The following RHOBTB3 variants were observed in gnomAD, a reference collection of about 807,000 sequenced individuals.
The protein encoded by RHOBTB3 is rho-related BTB domain-containing protein 3.
Under a neutral mutation model 67.2 loss-of-function variants are expected in RHOBTB3, and 47 were observed. That is an observed-to-expected ratio of 0.70 (90% confidence interval 0.55 to 0.89). The LOEUF is 0.89. Ranked by LOEUF, RHOBTB3 falls within the 40% of genes least tolerant of loss-of-function variation. The pLI is 0.00. For missense variants in RHOBTB3, 631 were observed against 750.0 expected, an observed-to-expected ratio of 0.84 and a Z score of 1.85; for synonymous variants, 273 against 274.2, an observed-to-expected ratio of 1.00 and a Z score of 0.04.
Position 95,783,847 on chromosome 5 carries a change from G to T in RHOBTB3, c.1507G>T (p.Val503Leu). The T allele has an allele frequency of 1.2e-6, 2 of 1,613,848 alleles. No individual in the cohort carries two copies. The highest frequency in any genetic ancestry group is 2.2e-5 in the South Asian group (2 of 91,062). ...CLLICAEMYQ[V>L]SRLQHICELF... ...CCTGATCTGTGCCGAGATGTACCAA[G>T]TGTCCAGACTGCAGCACATCTGTGA... Residue 503 changes from valine (V) to leucine (L), a missense_variant, in exon 10 of 12, where the codon GTG (valine) becomes TTG (leucine). Coordinates refer to ENST00000379982, the MANE Select transcript of RHOBTB3 (RefSeq NM_014899.4).
intron 8 of RHOBTB3, among the ~76,000 whole-genome samples, chr5:95,771,706 G>A (rs186745084): frequency 2.0e-5 from 3 of 152,276 alleles, no homozygotes; most frequent in East Asian, 3.9e-4. Flanking sequence ...GGTAGGACAC[G>A]CCTAGTCAGG....
At chr5:95,786,488 A>G (rs771569241) in intron 10 of RHOBTB3, among the ~76,000 whole-genome samples, 1 of 152,192 alleles carries the variant, frequency 6.6e-6, no homozygotes, top group African/African-American at 2.4e-5. Context: ...TCAGGTTTCC[A>G]TCAAGGAGGA....
chr5:95,729,830 G>A (rs1755167877), upstream of RHOBTB3, among the ~76,000 whole-genome samples: 1 of 152,192 alleles, frequency 6.6e-6, no homozygotes, highest in East Asian at 1.9e-4. Flanking sequence ...CATCCATGTT[G>A]TAGTTTATGA....
chr5:95,737,393 T>C (rs1161449321), intron 3 of RHOBTB3, among the ~76,000 whole-genome samples: 5 of 152,354 alleles, frequency 3.3e-5, no homozygotes, highest in African/African-American at 9.6e-5. Flanking sequence ...AAAACTCTTT[T>C]TGATGATCTG....
intron 3 of RHOBTB3, among the ~76,000 whole-genome samples, chr5:95,742,869 A>G (rs979294281): frequency 2.0e-5 from 3 of 152,244 alleles, no homozygotes; most frequent in South Asian, 2.1e-4. Context: ...TCAGGAGATC[A>G]AGACCATCCT....
At chr5:95,775,266 T>G (rs932445040) in intron 8 of RHOBTB3, among the ~76,000 whole-genome samples, 4 of 151,970 alleles carry the variant, frequency 2.6e-5, no homozygotes, top group African/African-American at 7.3e-5. Flanking sequence ...AAATCCACGA[T>G]TTTTTGAGTG....
chr5:95,779,120 A>G (rs899379475), intron 8 of RHOBTB3, among the ~76,000 whole-genome samples: 1 of 152,228 alleles, frequency 6.6e-6, no homozygotes, highest in Non-Finnish European at 1.5e-5. Context: ...ATAATTGTAA[A>G]TGCTTTAGAG....
intron 8 of RHOBTB3, among the ~76,000 whole-genome samples, chr5:95,774,894 CAT>C (rs146928735): frequency 1.7e-4 from 25 of 150,966 alleles, no homozygotes; most frequent in Middle Eastern, 3.4e-3. Flanking sequence ...ATTTGTATTA[CAT>C]ATATATATAT....
intron 2 of RHOBTB3, among the ~76,000 whole-genome samples, chr5:95,736,003 G>A (rs1755446020): frequency 6.6e-6 from 1 of 152,170 alleles, no homozygotes; most frequent in South Asian, 2.1e-4. Flanking sequence ...TCGGGAGGCT[G>A]AGGCACAGGA....
intron 6 of RHOBTB3, among the ~76,000 whole-genome samples, chr5:95,756,446 G>T (rs143296729): frequency 4.3e-4 from 66 of 152,286 alleles, no homozygotes; most frequent in African/African-American, 1.5e-3. Flanking sequence ...TTTAGCTATT[G>T]TGAGTAATGC....
intron 4 of RHOBTB3, among the ~76,000 whole-genome samples, chr5:95,749,766 G>A (rs1170172092): frequency 6.6e-6 from 1 of 152,148 alleles, no homozygotes; most frequent in East Asian, 1.9e-4. Context: ...CACTAGATTT[G>A]GTTTCATTTG....
At position 95,752,227 on chromosome 5, in the gene RHOBTB3, T is replaced by C. The variant is rs756102727; in HGVS notation, c.571-12T>C. 9.0e-6 allele frequency: 13 copies of C among 1,442,506 alleles called. No homozygotes were observed. The East Asian group carries it at 3.0e-4, about 33-fold the overall frequency. The allele number at this position is 1,442,506 out of a possible 1,614,324, so 89.4% of individuals were successfully genotyped here. A position where few individuals can be genotyped will look rare whatever the true frequency, so the allele number is the denominator to read the frequency against. On this transcript the variant is annotated splice_polypyrimidine_tract_variant and intron_variant, in intron 4 of 11. Coordinates refer to ENST00000379982, the MANE Select transcript of RHOBTB3 (RefSeq NM_014899.4). ...TGTTGGATCTTCAATTAAAATTTGA[T>C]TCCTGTTTTAGTTGGAGTATTTTAT...
At position 95,791,836 on chromosome 5, in the gene RHOBTB3, G is replaced by A. The variant is rs115045677; in HGVS notation, c.1721-1223G>A. Among the ~76,000 whole-genome samples, 1,139 of 151,982 alleles carry A rather than the reference G, an allele frequency of 7.5e-3. 14 individuals are homozygous for A. Among genetic ancestry groups the A allele is most frequent in the Non-Finnish European group, 0.012 (796 of 67,970 alleles). On this transcript the variant is annotated intron_variant, in intron 11 of 11. Transcript: ENST00000379982. The stretch of plus-strand genomic sequence containing the variant: ...GGTGGGATTACAGACATGAGCCATC[G>A]TGCCTGGCCTCCAGCAAGGTCTTTA...
intron 8 of RHOBTB3, chr5:95,770,017 G>T: frequency 2.5e-6 from 1 of 394,056 alleles, no homozygotes; most frequent in South Asian, 2.1e-5. Context: ...TTGGAGAAGG[G>T]GGTAGGCCTC....
At chr5:95,781,865 A>G (rs565892943) in intron 9 of RHOBTB3, 1 of 133,250 alleles carries the variant, frequency 7.5e-6, no homozygotes, top group African/African-American at 2.9e-5. Context: ...AAGACTTAGT[A>G]TTTTTGCCTA....
chr5:95,762,315 C>A (rs1270850129), intron 6 of RHOBTB3, among the ~76,000 whole-genome samples: 1 of 152,220 alleles, frequency 6.6e-6, no homozygotes. Context: ...TCTGGACTTG[C>A]AATCTGCCCC....
Position 95,752,272 on chromosome 5 carries a change from A to G in RHOBTB3, c.604A>G (p.Lys202Glu). The G allele has an allele frequency of 6.2e-7, 1 of 1,604,058 alleles. No homozygotes were observed. ...TTTTATGATTCAAGCCTTAAATCAG[A>G]AGACAAGTGAAAAAATGAAGAAAAG... ...EYFMIQALNQ[K>E]TSEKMKKRKM... Residue 202 changes from lysine (K) to glutamate (E), a missense_variant, in exon 5 of 12, where the codon AAG becomes GAG. Physicochemically the swap from Lys to Glu is moderately conservative, Grantham distance 56. Transcript: ENST00000379982.
Position 95,763,541 on chromosome 5 carries a change from T to C in RHOBTB3, c.1082T>C (p.Ile361Thr), listed in dbSNP as rs779028242. ...AFQWEELEED[I>T]RKKLKDSGDV... Reference sequence around the variant, plus strand: ...CAGTGGGAAGAATTGGAAGAAGATATCAGGAAGAAGTTGAAAGATTCTGGG... The same window carrying C: ...CAGTGGGAAGAATTGGAAGAAGATACCAGGAAGAAGTTGAAAGATTCTGGG... Residue 361 changes from isoleucine to threonine, a missense_variant, in exon 7 of 12, where the codon ATC becomes ACC. Physicochemically the swap from Ile to Thr is moderately conservative, Grantham distance 89. Coordinates refer to ENST00000379982, the MANE Select transcript of RHOBTB3 (RefSeq NM_014899.4). 4.3e-6 allele frequency: 7 copies of C among 1,612,372 alleles called. No individual in the cohort carries two copies. Among genetic ancestry groups the C allele is most frequent in the Admixed American group, 3.3e-5 (2 of 59,924 alleles).
chr5:95,753,257 G>A (rs1018883379), intron 5 of RHOBTB3, among the ~76,000 whole-genome samples: 1 of 151,630 alleles, frequency 6.6e-6, no homozygotes, highest in Non-Finnish European at 1.5e-5. Context: ...GTGTGTGTGT[G>A]TGTGTGTGTC....
Sources: allele counts gnomAD v4.1 joint callset (sites outside exome capture counted in the v4.1 genomes callset), GRCh38; gene constraint gnomAD v4.1.1; transcripts MANE v1.5; gene names NCBI Gene and HGNC (gene_info 2026-07-23, HGNC 2026-07-21).